The following CDK15 variants were observed in gnomAD, a reference collection of about 807,000 sequenced individuals.
The protein encoded by CDK15 is cyclin-dependent kinase 15.
In CDK15, 62 loss-of-function variants were observed where a neutral mutation model predicts 60.3. That is an observed-to-expected ratio of 1.03 (90% CI 0.84 to 1.27). The LOEUF is 1.27. Among genes scored for constraint, CDK15 ranks in the 50% most tolerant of loss-of-function variants. The probability of loss-of-function intolerance (pLI) is 0.00; values close to 1 mark genes in which losing one functional copy is unlikely to be tolerated. For synonymous variants in CDK15, 194 were observed against 195.7 expected, an observed-to-expected ratio of 0.99 and a Z score of 0.07; for missense variants, 541 against 527.8, an observed-to-expected ratio of 1.03 and a Z score of -0.25.
chr2:201,816,693 G>T (rs932225950), intron 4 of CDK15, among the ~76,000 whole-genome samples: 3 of 151,856 alleles, frequency 2.0e-5, no homozygotes, highest in Non-Finnish European at 4.4e-5. Context: ...TCTGTTTTTG[G>T]TTTTTTTGAG....
At chr2:201,851,647 CA>C (rs1365940354) in intron 9 of CDK15, among the ~76,000 whole-genome samples, 2 of 152,050 alleles carry the variant, frequency 1.3e-5, no homozygotes, top group Non-Finnish European at 2.9e-5. Flanking sequence ...ACATTTAAAC[CA>C]CAACAAGTCC....
rs145955116 is a variant in CDK15, at chr2:201,889,173, A to G, written c.1199-1612A>G. ...TTCCCTTTGGGTGTGAGCAGCTTCC[A>G]GCAAACAGTATTATTTAAGGCATTT... On this transcript the variant is annotated intron_variant, in intron 12 of 13. Transcript: ENST00000652192. 5.1e-6 allele frequency: 5 copies of G among 985,446 alleles called. No individual in the cohort carries two copies. In the African/African-American group the frequency reaches 8.7e-5, roughly 17 times the overall value. The allele number at this position is 985,446 out of a possible 1,614,324, so 61.0% of individuals were successfully genotyped here.
At chr2:201,884,143 CT>C in intron 12 of CDK15, among the ~76,000 whole-genome samples, 1 of 152,182 alleles carries the variant, frequency 6.6e-6, no homozygotes, top group Non-Finnish European at 1.5e-5. Context: ...AGAGTCTGGT[CT>C]TTAAGCCATG....
At position 201,869,367 on chromosome 2, in the gene CDK15, C is replaced by T. The variant is rs1385137894; in HGVS notation, c.1010-2911C>T. 4.3e-5 allele frequency among the ~76,000 whole-genome samples: 5 copies of T among 116,986 alleles called. No homozygotes were observed. In the East Asian group the frequency reaches 8.3e-4, roughly 19 times the overall value. 76.7% of individuals were successfully genotyped at this position (116,986 alleles called of 152,430 possible). A position where few individuals can be genotyped will look rare whatever the true frequency, so the allele number is the denominator to read the frequency against. On this transcript the variant is annotated intron_variant, in intron 10 of 13. Coordinates refer to ENST00000652192, the MANE Select transcript of CDK15 (RefSeq NM_001366386.2). Reference sequence around the variant, plus strand: ...ACACAGGGCGGGGAACATCACACACCGGGGCCTGTCATGGGGTGGGGGGCA... The same window carrying T: ...ACACAGGGCGGGGAACATCACACACTGGGGCCTGTCATGGGGTGGGGGGCA...
At chr2:201,859,919 C>T (rs189058765) in intron 10 of CDK15, among the ~76,000 whole-genome samples, 1 of 152,310 alleles carries the variant, frequency 6.6e-6, no homozygotes, top group East Asian at 1.9e-4. Flanking sequence ...TTAGACATTT[C>T]TCAACTAAAG....
In CDK15 at chr2:201,833,836, TCTTC is replaced by T. The variant is rs1451108040; in HGVS notation, c.607-6_607-3del. ...CTCAAATCTCCTTATGGATAGTGTT[TCTTC>T]CTTCCAGCTTTTCATGTTTCAACTT... On this transcript the variant is annotated splice_polypyrimidine_tract_variant and splice_region_variant and intron_variant, in intron 6 of 13. Transcript: ENST00000652192. The T allele has an allele frequency of 1.9e-6, 3 of 1,613,272 alleles. No homozygotes were observed. The highest frequency in any genetic ancestry group is 3.3e-4 in the Middle Eastern group (2 of 6,058).
chr2:201,855,720 C>T (rs529679034), intron 10 of CDK15, among the ~76,000 whole-genome samples: 108 of 151,942 alleles, frequency 7.1e-4, no homozygotes, highest in African/African-American at 2.1e-3. Flanking sequence ...GTACAGATAA[C>T]GACAAGATTA....
At chr2:201,809,153 A>G (rs1412026705) in intron 3 of CDK15, among the ~76,000 whole-genome samples, 1 of 152,108 alleles carries the variant, frequency 6.6e-6, no homozygotes, top group Non-Finnish European at 1.5e-5. Context: ...AAGCTTCCTC[A>G]TATCAATTTG....
At chr2:201,844,206 C>A (rs1465854094) in intron 8 of CDK15, among the ~76,000 whole-genome samples, 1 of 152,162 alleles carries the variant, frequency 6.6e-6, no homozygotes, top group African/African-American at 2.4e-5. Context: ...CAAGTAATAA[C>A]CCAATTATGC....
At chr2:201,811,295 T>C (rs12987190) in intron 3 of CDK15, among the ~76,000 whole-genome samples, 2 of 151,560 alleles carry the variant, frequency 1.3e-5, no homozygotes, top group Non-Finnish European at 2.9e-5. Context: ...GGACTACAGG[T>C]GCCCACCACC....
At chr2:201,837,488 AAGGAAGGAAGGAAG>A (rs1697178923) in intron 8 of CDK15, among the ~76,000 whole-genome samples, 3 of 144,024 alleles carry the variant, frequency 2.1e-5, no homozygotes, top group African/African-American at 7.8e-5. Context: ...GGAAGGAAGG[AAGGAAGGAAGGAAG>A]GAAGGAAGGA....
At chr2:201,849,048 C>A (rs6707595) in intron 9 of CDK15, among the ~76,000 whole-genome samples, 43,590 of 152,058 alleles carry the variant, frequency 0.29, 7,593 homozygotes, top group African/African-American at 0.48. Flanking sequence ...AGCCTACTGT[C>A]ATAGCTTTGG....
intron 10 of CDK15, 68 bp from the exon 11 acceptor site, chr2:201,872,210 A>G: frequency 6.8e-7 from 1 of 1,464,270 alleles, no homozygotes; most frequent in Non-Finnish European, 9.6e-7. Context: ...TTAGAATTTT[A>G]ACAGTATATT....
At position 201,856,972 on chromosome 2, in the gene CDK15, C is replaced by G. The variant is rs1698167972; in HGVS notation, c.1009+2035C>G. ...GGCGCGGTGGCTCACGCCTGTAATC[C>G]CAGCACTTTGGGAGGCCGAGGCGGG... On this transcript the variant is annotated intron_variant, in intron 10 of 13. Coordinates refer to ENST00000652192, the MANE Select transcript of CDK15 (RefSeq NM_001366386.2). 4.0e-5 allele frequency among the ~76,000 whole-genome samples: 2 copies of G among 49,582 alleles called. 1 individual carries two copies. The highest frequency in any genetic ancestry group is 7.2e-5 in the Non-Finnish European group (2 of 27,740). 32.5% of individuals were successfully genotyped at this position (49,582 alleles called of 152,430 possible). A position where few individuals can be genotyped will look rare whatever the true frequency, so the allele number is the denominator to read the frequency against.
rs1282975493 is a variant in CDK15 at position 201,810,947 on chromosome 2, C to G, written c.369-1536C>G. Among the ~76,000 whole-genome samples the G allele has an allele frequency of 2.0e-5, 3 of 149,832 alleles. No homozygotes were observed. The South Asian group carries it at 6.3e-4, about 32-fold the overall frequency. ...GCAACCTCCGGCTCCCGGGTTCAAG[C>G]GATTCTCCTCTCAGCCTCCTGAGTA... On this transcript the variant is annotated intron_variant, in intron 3 of 13. Coordinates refer to ENST00000652192, the MANE Select transcript of CDK15 (RefSeq NM_001366386.2).
intron 10 of CDK15, among the ~76,000 whole-genome samples, chr2:201,868,772 G>GA (rs1698737165): frequency 6.6e-6 from 1 of 151,678 alleles, no homozygotes; most frequent in Admixed American, 6.6e-5. Context: ...ACAGACACAT[G>GA]AAAAAATGTT....
At chr2:201,836,385 TAACCTTTTACTGTTG>T (rs1697090523) in intron 8 of CDK15, among the ~76,000 whole-genome samples, 1 of 151,282 alleles carries the variant, frequency 6.6e-6, no homozygotes, top group Non-Finnish European at 1.5e-5. Context: ...AATTATTCTA[TAACCTTTTACTGTTG>T]AACTGAGACC....
Position 201,807,507 on chromosome 2 carries a change from A to G in CDK15, c.137A>G (p.Lys46Arg), listed in dbSNP as rs569840064. Residue 46 changes from lysine (K) to arginine (R), a missense_variant, in exon 2 of 14, where the codon AAA becomes AGA. Transcript: ENST00000652192. The stretch of plus-strand genomic sequence containing the variant: ...TTTTTTCTCTAGCTAACAGACCTAA[A>G]AGAAGCATCATGTTCCATGACTTCA... Reference protein sequence around the residue: ...TEAAFKLTDLKEASCSMTSFH... With the variant: ...TEAAFKLTDLREASCSMTSFH... 6.2e-7 allele frequency: 1 copy of G among 1,614,110 alleles called. No homozygotes were observed. The highest frequency in any genetic ancestry group is 1.3e-5 in the African/African-American group (1 of 75,054).
intron 10 of CDK15, among the ~76,000 whole-genome samples, chr2:201,868,715 A>G (rs906528383): frequency 1.3e-5 from 2 of 152,128 alleles, no homozygotes; most frequent in African/African-American, 4.8e-5. Flanking sequence ...AAAAGTAGGC[A>G]AAGGATATGA....
Sources: gnomAD v4.1 joint callset for allele counts (sites outside exome capture counted in the v4.1 genomes callset) on GRCh38, gnomAD v4.1.1 for gene constraint, MANE v1.5 for transcripts, NCBI Gene and HGNC (gene_info 2026-07-23, HGNC 2026-07-21) for gene names.